CTNNA1: variants seen among roughly 807,000 people sequenced by gnomAD.
CTNNA1 encodes the protein catenin alpha-1.
A neutral mutation model predicts 98.4 loss-of-function variants in CTNNA1; 37 were observed. The observed-to-expected ratio is 0.38, with a 90% CI of 0.29 to 0.49. The LOEUF (loss-of-function observed/expected upper bound fraction) is 0.49, where lower values mean the gene tolerates loss of function less well. CTNNA1 is among the 20% of genes least tolerant of loss of function. The pLI is 0.95. For synonymous variants in CTNNA1, 404 were observed against 413.2 expected (o/e 0.98, Z 0.27); for missense variants, 761 against 1,147.2 (o/e 0.66, Z 4.86).
At chr5:138,837,356 T>G (rs1245132398) in intron 7 of CTNNA1, among the ~76,000 whole-genome samples, 1 of 152,166 alleles carries the variant, frequency 6.6e-6, no homozygotes, top group Admixed American at 6.5e-5. Context: ...AGCCTGCCAC[T>G]TATTTTTATA....
chr5:138,759,745 C>A (rs545816275), intron 1 of CTNNA1, among the ~76,000 whole-genome samples: 3 of 152,098 alleles, frequency 2.0e-5, no homozygotes, highest in African/African-American at 7.2e-5. Context: ...GTTGTCTGCC[C>A]GTGGCTGGGG....
intron 10 of CTNNA1, among the ~76,000 whole-genome samples, chr5:138,916,297 A>AC (rs1047922938): frequency 3.3e-5 from 5 of 152,106 alleles, no homozygotes; most frequent in African/African-American, 9.7e-5. Flanking sequence ...TGAATGTTGA[A>AC]CAACTGCAAA....
At chr5:138,931,509 G>T (rs1765312952) in intron 16 of CTNNA1, 1 of 771,242 alleles carries the variant, frequency 1.3e-6, no homozygotes, top group Non-Finnish European at 1.6e-6. Context: ...GCCACAGGAT[G>T]TGTGAGACAC....
chr5:138,930,422 G>A (rs376499453), intron 14 of CTNNA1, 51 bp from the exon 15 acceptor site: 4 of 1,409,084 alleles, frequency 2.8e-6, no homozygotes, highest in Non-Finnish European at 3.9e-6. Flanking sequence ...AATGCACTCT[G>A]AGAACTTCAT....
chr5:138,919,459 C>T (rs1483706555), intron 11 of CTNNA1, among the ~76,000 whole-genome samples: 2 of 152,154 alleles, frequency 1.3e-5, no homozygotes, highest in Admixed American at 1.3e-4. Flanking sequence ...CACCATTCGT[C>T]AAATCAGTGA....
At chr5:138,886,155 T>C in intron 7 of CTNNA1, 57 bp from the exon 8 acceptor site, 1 of 1,575,814 alleles carries the variant, frequency 6.3e-7, no homozygotes, top group East Asian at 2.3e-5. Context: ...GGCTATAGGC[T>C]ATCATTAGGT....
intron 1 of CTNNA1, among the ~76,000 whole-genome samples, chr5:138,781,360 C>A (rs1185769781): frequency 6.6e-6 from 1 of 152,068 alleles, no homozygotes. Context: ...ACCATCATAT[C>A]CTGGCTAACA....
chr5:138,898,724 A>G (rs1757422436), intron 9 of CTNNA1, among the ~76,000 whole-genome samples: 1 of 152,184 alleles, frequency 6.6e-6, no homozygotes, highest in South Asian at 2.1e-4. Flanking sequence ...ATCCCTTCTG[A>G]AAAACATTCA....
chr5:138,773,634 T>C (rs746795447), intron 1 of CTNNA1, among the ~76,000 whole-genome samples: 2 of 111,324 alleles, frequency 1.8e-5, no homozygotes, highest in Non-Finnish European at 3.8e-5. Context: ...TTTAAGTTTC[T>C]TAATGTAAGT....
At chr5:138,837,257 A>G (rs1761863616) in intron 7 of CTNNA1, among the ~76,000 whole-genome samples, 1 of 152,182 alleles carries the variant, frequency 6.6e-6, no homozygotes, top group South Asian at 2.1e-4. Context: ...TGACCTTGGA[A>G]GTATAAAATT....
chr5:138,766,429 T>C (rs1375067791), intron 1 of CTNNA1, among the ~76,000 whole-genome samples: 2 of 143,490 alleles, frequency 1.4e-5, no homozygotes, highest in Non-Finnish European at 3.0e-5. Context: ...CTGTATGTGG[T>C]GGGGAAGCAA....
At chr5:138,884,904 C>T (rs1375535124) in intron 7 of CTNNA1, among the ~76,000 whole-genome samples, 1 of 152,076 alleles carries the variant, frequency 6.6e-6, no homozygotes, top group African/African-American at 2.4e-5. Flanking sequence ...CCTCTCCTCC[C>T]CATCAGTATT....
intron 11 of CTNNA1, among the ~76,000 whole-genome samples, chr5:138,920,927 C>G (rs767446435): frequency 6.6e-6 from 1 of 152,108 alleles, no homozygotes; most frequent in East Asian, 1.9e-4. Context: ...ACCAAGACCC[C>G]GATGCCAGCA....
intron 7 of CTNNA1, among the ~76,000 whole-genome samples, chr5:138,850,740 T>C (rs1435895780): frequency 1.3e-5 from 2 of 152,214 alleles, no homozygotes; most frequent in Non-Finnish European, 2.9e-5. Context: ...CAGGGTCTTA[T>C]CCAGAAAATC....
chr5:138,893,151 C>T (rs989774731), intron 9 of CTNNA1, among the ~76,000 whole-genome samples: 5 of 152,196 alleles, frequency 3.3e-5, no homozygotes, highest in Admixed American at 3.3e-4. Context: ...GCCCTTCACT[C>T]AAGGCCAGCC....
intron 7 of CTNNA1, chr5:138,828,084 T>C (rs1760906923): frequency 4.9e-6 from 1 of 202,160 alleles, no homozygotes; most frequent in Non-Finnish European, 1.0e-5. Flanking sequence ...TTGTAGACAT[T>C]GTGATGCTTC....
intron 3 of CTNNA1, among the ~76,000 whole-genome samples, chr5:138,799,230 G>A (rs969307075): frequency 3.3e-5 from 5 of 151,938 alleles, no homozygotes; most frequent in Admixed American, 6.6e-5. Flanking sequence ...GCGTGACCTC[G>A]GTTCACTGCA....
chr5:138,887,394 G>C, intron 8 of CTNNA1, 96 bp from the exon 9 acceptor site: 1 of 874,756 alleles, frequency 1.1e-6, no homozygotes, highest in East Asian at 2.7e-5. Flanking sequence ...TCTACCGTAA[G>C]CTTCATTAGA....
chr5:138,903,967 TG>T (rs917115896), intron 9 of CTNNA1, among the ~76,000 whole-genome samples: 37 of 152,242 alleles, frequency 2.4e-4, no homozygotes, highest in South Asian at 1.7e-3. Context: ...AACACATTTT[TG>T]AGGATAACAA....
Sources: allele counts gnomAD v4.1 joint callset (sites outside exome capture counted in the v4.1 genomes callset), GRCh38; gene constraint gnomAD v4.1.1; transcripts MANE v1.5; gene names NCBI Gene and HGNC (gene_info 2026-07-23, HGNC 2026-07-21).